Variants in DOCK8 observed in about 807,000 individuals in gnomAD.
The protein encoded by DOCK8 is dedicator of cytokinesis 8.
DOCK8 carries 141 observed loss-of-function variants against 245.6 expected under a neutral mutation model. That is an observed-to-expected ratio of 0.57 (90% CI 0.50 to 0.66). DOCK8 has a LOEUF of 0.66. Ranked by LOEUF, DOCK8 falls within the 30% of genes least tolerant of loss-of-function variation. DOCK8 has a pLI of 0.00. For synonymous variants in DOCK8, 1,168 were observed against 970.2 expected (o/e 1.20, Z -3.79); for missense variants, 2,965 against 2,603.4 (o/e 1.14, Z -3.02).
At chr9:379,592 G>A (rs2053656362) in intron 20 of DOCK8, among the ~76,000 whole-genome samples, 179 bp from the exon 21 acceptor site, 1 of 152,172 alleles carries the variant, frequency 6.6e-6, no homozygotes, top group Admixed American at 6.5e-5. Context: ...GAGGGAATGT[G>A]GAGGCATCTG....
intron 1 of DOCK8, among the ~76,000 whole-genome samples, chr9:234,179 A>G (rs1011445595): frequency 1.3e-5 from 2 of 152,194 alleles, no homozygotes; most frequent in African/African-American, 2.4e-5. Context: ...TGGATATGAA[A>G]TTCTGCATTG....
chr9:334,807 C>T (rs570774370), intron 11 of DOCK8, among the ~76,000 whole-genome samples: 2 of 152,142 alleles, frequency 1.3e-5, no homozygotes, highest in African/African-American at 4.8e-5. Context: ...AGGAACAGGG[C>T]GTGGTGGCTC....
chr9:388,220 A>G (rs549547012), intron 23 of DOCK8, among the ~76,000 whole-genome samples: 1 of 152,272 alleles, frequency 6.6e-6, no homozygotes, highest in South Asian at 2.1e-4. Context: ...CAGTTAGACC[A>G]CCTGCTAGAC....
chr9:282,173 A>C (rs1243957816), intron 2 of DOCK8, among the ~76,000 whole-genome samples: 1 of 152,136 alleles, frequency 6.6e-6, no homozygotes, highest in Non-Finnish European at 1.5e-5. Context: ...GGTTTATTAG[A>C]GTGCAATTCC....
At chr9:242,533 C>T (rs1384638808) in intron 1 of DOCK8, among the ~76,000 whole-genome samples, 1 of 151,986 alleles carries the variant, frequency 6.6e-6, no homozygotes, top group African/African-American at 2.4e-5. Context: ...CTGCTGTATC[C>T]CTCATATGCA....
At chr9:213,147 T>C (rs1262260413), upstream of DOCK8, 1 of 152,214 alleles carries the variant, frequency 6.6e-6, no homozygotes, top group African/African-American at 2.4e-5. Context: ...GGGTTTGTTT[T>C]CGTATGTAGT....
chr9:369,473 C>G (rs2053182194), intron 15 of DOCK8: 2 of 152,380 alleles, frequency 1.3e-5, no homozygotes, highest in African/African-American at 4.8e-5. Context: ...CATAATGCAT[C>G]CTAAATGCTG....
rs565555433 is a variant in DOCK8 at position 284,941 on chromosome 9, G to C, written c.157-1520G>C. 7.2e-4 allele frequency among the ~76,000 whole-genome samples: 110 copies of C among 152,340 alleles called. 1 individual carries two copies. Among genetic ancestry groups the C allele is most frequent in the African/African-American group, 2.6e-3 (108 of 41,568 alleles). ...GAACAACAGACACTGTGGCCTACTT[G>C]TGGGTGAAGGGTGGTAAGAGGGAGA... is the stretch of plus-strand genomic sequence containing the variant. On this transcript the variant is annotated intron_variant, in intron 2 of 47. Coordinates refer to ENST00000432829, the MANE Select transcript of DOCK8 (RefSeq NM_203447.4).
chr9:316,825 C>T (rs1172758337), intron 6 of DOCK8, among the ~76,000 whole-genome samples: 5 of 152,152 alleles, frequency 3.3e-5, no homozygotes, highest in Non-Finnish European at 7.3e-5. Flanking sequence ...GTCTTGAATG[C>T]TTGGGTTTCT....
At chr9:333,413 A>T (rs984865740) in intron 10 of DOCK8, among the ~76,000 whole-genome samples, 1 of 152,168 alleles carries the variant, frequency 6.6e-6, no homozygotes, top group Non-Finnish European at 1.5e-5. Context: ...CATCCTGGCC[A>T]ACACGGTGAA....
At chr9:367,512 T>A (rs2053067642) in intron 14 of DOCK8, among the ~76,000 whole-genome samples, 1 of 152,060 alleles carries the variant, frequency 6.6e-6, no homozygotes. Context: ...TTGTTGTCGT[T>A]TACAGTAATT....
At position 221,064 on chromosome 9, in the gene DOCK8, T is replaced by A. The variant is rs538878423; in HGVS notation, c.53+6035T>A. ...GGCACAGTAGTGGTACCATTTGCTGTATCGACAACAGTGGGGGTATAGACG... is the reference window on the plus strand; with the variant it reads ...GGCACAGTAGTGGTACCATTTGCTGAATCGACAACAGTGGGGGTATAGACG... On this transcript the variant is annotated intron_variant, in intron 1 of 47. Transcript: ENST00000432829. Among the ~76,000 whole-genome samples, 189 of 152,284 alleles carry A rather than the reference T, an allele frequency of 1.2e-3. 1 individual carries two copies. Among genetic ancestry groups the A allele is most frequent in the African/African-American group, 4.3e-3 (178 of 41,548 alleles).
chr9:420,913 C>T (rs1164643516), intron 31 of DOCK8, 36 bp from the exon 32 acceptor site: 3 of 1,614,014 alleles, frequency 1.9e-6, no homozygotes, highest in Non-Finnish European at 2.5e-6. Flanking sequence ...GGAGATCTCA[C>T]CAAAGGACAT....
chr9:237,675 A>G (rs933164509), intron 1 of DOCK8, among the ~76,000 whole-genome samples: 4 of 152,156 alleles, frequency 2.6e-5, no homozygotes, highest in Non-Finnish European at 4.4e-5. Flanking sequence ...ATAATAAAAT[A>G]AAATCTAATT....
At chr9:294,626 A>G (rs887204306) in intron 4 of DOCK8, among the ~76,000 whole-genome samples, 2 of 152,240 alleles carry the variant, frequency 1.3e-5, no homozygotes, top group African/African-American at 4.8e-5. Flanking sequence ...GTATTTACAT[A>G]AAACCTATGT....
At position 414,837 on chromosome 9, in the gene DOCK8, C is replaced by T. The variant is rs1454658818; in HGVS notation, c.3586C>T (p.His1196Tyr). The part of the protein sequence containing the change: ...VSAIHSLLSS[H>Y]DLDPRCVKPE... ...TGCAATTCACAGCCTGCTAAGTTCTCACGACCTGGACCCACGCTGTGTCAA... is the reference window on the plus strand; with the variant it reads ...TGCAATTCACAGCCTGCTAAGTTCTTACGACCTGGACCCACGCTGTGTCAA... The change falls in exon 29 of 48, where the codon CAC (histidine) becomes TAC (tyrosine). Residue 1196 changes from histidine (H) to tyrosine (Y), a missense_variant. Physicochemically the swap from His to Tyr is moderately conservative, Grantham distance 83. This residue lies in a region of DOCK8 where 2,825 missense variants were observed against 2,453.5 expected (regional missense o/e 1.15). Transcript: ENST00000432829. 5.6e-6 allele frequency: 9 copies of T among 1,614,078 alleles called. No homozygotes were observed. The Admixed American group carries it at 1.2e-4, about 21-fold the overall frequency.
At chr9:378,451 C>T (rs10758404) in intron 20 of DOCK8, among the ~76,000 whole-genome samples, 59,651 of 152,092 alleles carry the variant, frequency 0.39, 14,788 homozygotes, top group African/African-American at 0.71. Flanking sequence ...GGGCATGTCC[C>T]CTTAATCTCT....
chr9:304,289 T>G (rs1215933401), intron 4 of DOCK8, among the ~76,000 whole-genome samples: 1 of 152,202 alleles, frequency 6.6e-6, no homozygotes, highest in Non-Finnish European at 1.5e-5. Flanking sequence ...TAGCTTCAGC[T>G]CGGAGCCAAA....
intron 3 of DOCK8, among the ~76,000 whole-genome samples, chr9:289,237 T>C (rs6476031): frequency 1.3e-5 from 2 of 152,192 alleles, no homozygotes; most frequent in African/African-American, 4.8e-5. Flanking sequence ...GTCTTGTGTC[T>C]GAATGCCTTC....
Sources: allele counts gnomAD v4.1 joint callset (sites outside exome capture counted in the v4.1 genomes callset), GRCh38; gene constraint gnomAD v4.1.1; regional missense constraint gnomAD v4.1.1; transcripts MANE v1.5; gene names NCBI Gene and HGNC (gene_info 2026-07-23, HGNC 2026-07-21).